The following NKX3-2 variants were observed in gnomAD, a reference collection of about 807,000 sequenced individuals.
NKX3-2 encodes the protein homeobox protein Nkx-3.2.
A neutral mutation model predicts 19.4 loss-of-function variants in NKX3-2; 13 were observed. The observed-to-expected ratio is 0.67, with a 90% CI of 0.44 to 1.07. The LOEUF is 1.07. NKX3-2 is among the 50% of genes least tolerant of loss of function. The pLI, the probability that NKX3-2 is intolerant of heterozygous loss-of-function variation, is 0.00. For synonymous variants in NKX3-2, 269 were observed against 230.5 expected (o/e 1.17, Z -1.51); for missense variants, 562 against 488.2 (o/e 1.15, Z -1.42).
chr4:13,544,377 G>C lies in NKX3-2; in HGVS notation c.38C>G (p.Ser13Cys). ...VRGANTLTSFSIQAILNKKEE... is the reference protein window; with the variant it reads ...VRGANTLTSFCIQAILNKKEE... ...TTTCTTGTTGAGGATCGCCTGGATG[G>C]AGAAGGACGTCAAGGTGTTGGCGCC... The change falls in exon 1 of 2, where the codon TCC (serine) becomes TGC (cysteine). Residue 13 changes from serine (S) to cysteine (C), a missense_variant. Transcript: ENST00000382438. 6.4e-7 allele frequency: 1 copy of C among 1,551,386 alleles called. No homozygotes were observed.
chr4:13,542,223 G>C lies in NKX3-2; in HGVS notation c.772C>G (p.Arg258Gly). The change falls in exon 2 of 2, where the codon CGC becomes GGC. Residue 258 changes from arginine to glycine, a missense_variant. By Grantham distance (125) the Arg-to-Gly change is moderately radical (BLOSUM62 -2). Coordinates refer to ENST00000382438, the MANE Select transcript of NKX3-2 (RefSeq NM_001189.4). The surrounding 1 kb of genome is among the most constrained non-coding windows in gnomAD (Gnocchi z 6.4). Reference protein sequence around the residue: ...TQVKIWFQNRRYKTKRRQMAA... With the variant: ...TQVKIWFQNRGYKTKRRQMAA... ...ATCTGCCGGCGCTTTGTCTTGTAGCGACGGTTCTGGAACCAGATTTTCACC... is the reference window on the plus strand; with the variant it reads ...ATCTGCCGGCGCTTTGTCTTGTAGCCACGGTTCTGGAACCAGATTTTCACC... The C allele has an allele frequency of 6.2e-7, 1 of 1,611,660 alleles. No individual in the cohort carries two copies. The highest frequency in any genetic ancestry group is 8.5e-7 in the Non-Finnish European group (1 of 1,179,262).
Position 13,544,065 on chromosome 4 carries a change from C to T in NKX3-2, c.350G>A (p.Gly117Asp). 1 of 1,575,024 alleles carries T rather than the reference C, an allele frequency of 6.3e-7. No individual in the cohort carries two copies. Among genetic ancestry groups the T allele is most frequent in the Non-Finnish European group, 8.6e-7 (1 of 1,163,268 alleles). Residue 117 changes from glycine (G) to aspartate (D), a missense_variant, in exon 1 of 2, where the codon GGC (glycine) becomes GAC (aspartate). Physicochemically the swap from Gly to Asp is moderately conservative, Grantham distance 94. Coordinates refer to ENST00000382438, the MANE Select transcript of NKX3-2 (RefSeq NM_001189.4). Reference sequence around the variant, plus strand: ...GAGGCTCAAGGATCCCCCCGCAAGGCCGGCCCCGCTGGCCCCCCGCGCGTC... The same window carrying T: ...GAGGCTCAAGGATCCCCCCGCAAGGTCGGCCCCGCTGGCCCCCCGCGCGTC... Reference protein sequence around the residue: ...CADARGASGAGLAGGSLSLGQ... With the variant: ...CADARGASGADLAGGSLSLGQ...
Position 13,542,219 on chromosome 4 carries a change from T to A in NKX3-2, c.776A>T (p.Tyr259Phe). 6.2e-7 allele frequency: 1 copy of A among 1,611,440 alleles called. No individual in the cohort carries two copies. ...TGCCATCTGCCGGCGCTTTGTCTTGTAGCGACGGTTCTGGAACCAGATTTT... is the reference window on the plus strand; with the variant it reads ...TGCCATCTGCCGGCGCTTTGTCTTGAAGCGACGGTTCTGGAACCAGATTTT... ...QVKIWFQNRR[Y>F]KTKRRQMAAD... is the part of the protein sequence containing the mutation. The change falls in exon 2 of 2, where the codon TAC becomes TTC. Residue 259 changes from tyrosine to phenylalanine, a missense_variant. Transcript: ENST00000382438. The surrounding 1 kb of genome is among the most constrained non-coding windows in gnomAD (Gnocchi z 6.4).
In NKX3-2 at chr4:13,541,898, T is replaced by G. The variant is rs191302851; in HGVS notation, c.*95A>C. 53 of 1,512,174 alleles carry G rather than the reference T, an allele frequency of 3.5e-5. No individual in the cohort carries two copies. The African/African-American group carries it at 6.2e-4, about 18-fold the overall frequency. 93.7% of individuals were successfully genotyped at this position (1,512,174 alleles called of 1,614,324 possible). A position where few individuals can be genotyped will look rare whatever the true frequency, so the allele number is the denominator to read the frequency against. ...TGGGTTTCACCTCCAGGTGCCTCCT[T>G]GGCGGGGCGCCCCGTGCAGGCTACA... On this transcript the variant is annotated 3_prime_UTR_variant, in exon 2 of 2. Transcript: ENST00000382438.
At position 13,542,020 on chromosome 4, in the gene NKX3-2, G is replaced by T. The variant is rs1443990983; in HGVS notation, c.975C>A (p.Thr325=). ...YYCLPGWALS[T]CAAAAGTQ ...ACTGGGTGCCTGCGGCAGCTGCGCA[G>T]GTGGAGAGCGCCCAGCCTGGGAGGC... Residue 325 remains threonine, a synonymous_variant, in exon 2 of 2, where the codon ACC becomes ACA. Coordinates refer to ENST00000382438, the MANE Select transcript of NKX3-2 (RefSeq NM_001189.4). The surrounding 1 kb of genome is among the most constrained non-coding windows in gnomAD (Gnocchi z 6.4). 8 of 1,595,454 alleles carry T rather than the reference G, an allele frequency of 5.0e-6. No homozygotes were observed. The highest frequency in any genetic ancestry group is 6.8e-6 in the Non-Finnish European group (8 of 1,171,752).
upstream of NKX3-2, chr4:13,544,798 G>A (rs1452012292): frequency 6.3e-6 from 1 of 159,086 alleles, no homozygotes; most frequent in Non-Finnish European, 1.4e-5. Context: ...GCGCCGCCGG[G>A]GCGCACAGCC....
At position 13,542,054 on chromosome 4, in the gene NKX3-2, G is replaced by C. The variant is rs945498686; in HGVS notation, c.941C>G (p.Pro314Arg). Residue 314 changes from proline (P) to arginine (R), a missense_variant, in exon 2 of 2, where the codon CCG becomes CGG. Transcript: ENST00000382438. This position sits in a 1 kb window ranked among gnomAD's most constrained non-coding sequence, Gnocchi z 6.4. ...LLPLQPSYYY[P>R]YYCLPGWALS... ...CGCCCAGCCTGGGAGGCAGTAGTAC[G>C]GGTAATAGTAGGAGGGCTGCAGTGG... 6 of 1,606,674 alleles carry C rather than the reference G, an allele frequency of 3.7e-6. No individual in the cohort carries two copies. The highest frequency in any genetic ancestry group is 5.1e-6 in the Non-Finnish European group (6 of 1,176,588).
Position 13,541,893 on chromosome 4 carries a change from C to T in NKX3-2, c.*100G>A, listed in dbSNP as rs1717993237. On this transcript the variant is annotated 3_prime_UTR_variant, in exon 2 of 2. Transcript: ENST00000382438. ...GGAGCTGGGTTTCACCTCCAGGTGC[C>T]TCCTTGGCGGGGCGCCCCGTGCAGG... 2 of 1,505,846 alleles carry T rather than the reference C, an allele frequency of 1.3e-6. No homozygotes were observed. The highest frequency in any genetic ancestry group is 1.8e-6 in the Non-Finnish European group (2 of 1,118,578). The allele number at this position is 1,505,846 out of a possible 1,614,324, so 93.3% of individuals were successfully genotyped here.
chr4:13,542,735 G>A lies in NKX3-2; in HGVS notation c.467-207C>T, dbSNP rs544895731. The stretch of plus-strand genomic sequence containing the variant: ...GTATCCCATCTAGGCCTCTTCTGGG[G>A]AGGGCGGCAGACTCAGCCGCTGTGT... On this transcript the variant is annotated intron_variant, in intron 1 of 1. Transcript: ENST00000382438. This position sits in a 1 kb window ranked among gnomAD's most constrained non-coding sequence, Gnocchi z 6.4. 9.2e-5 allele frequency among the ~76,000 whole-genome samples: 14 copies of A among 152,162 alleles called. No homozygotes were observed. The highest frequency in any genetic ancestry group is 1.5e-4 in the Non-Finnish European group (10 of 68,034).
chr4:13,546,566 T>G, upstream of NKX3-2: 1 of 283,528 alleles, frequency 3.5e-6, no homozygotes, highest in East Asian at 8.7e-5. Flanking sequence ...AGATTGACAC[T>G]GGTTGCCTGG....
upstream of NKX3-2, chr4:13,546,158 T>A (rs563505256): frequency 6.6e-6 from 1 of 152,248 alleles, no homozygotes; most frequent in Non-Finnish European, 1.5e-5. Flanking sequence ...ACATCTCCCC[T>A]TGTTGCTTTC....
At position 13,542,075 on chromosome 4, in the gene NKX3-2, A is replaced by G. The variant is rs759663268; in HGVS notation, c.920T>C (p.Leu307Pro). Residue 307 changes from leucine (L) to proline (P), a missense_variant, in exon 2 of 2, where the codon CTG (leucine) becomes CCG (proline). Leu to Pro is a moderately conservative substitution (Grantham distance 98, BLOSUM62 -3). Coordinates refer to ENST00000382438, the MANE Select transcript of NKX3-2 (RefSeq NM_001189.4). This position sits in a 1 kb window ranked among gnomAD's most constrained non-coding sequence, Gnocchi z 6.4. ...EVLRPPSLLP[L>P]QPSYYYPYYC... is the part of the protein sequence containing the mutation. ...GTACGGGTAATAGTAGGAGGGCTGCAGTGGCAGAAGCGAGGGTGGCCGCAG... is the reference window on the plus strand; with the variant it reads ...GTACGGGTAATAGTAGGAGGGCTGCGGTGGCAGAAGCGAGGGTGGCCGCAG... 1.2e-6 allele frequency: 2 copies of G among 1,607,474 alleles called. No homozygotes were observed. Among genetic ancestry groups the G allele is most frequent in the East Asian group, 4.5e-5 (2 of 44,600 alleles).
At chr4:13,546,883 A>T (rs1246905390), upstream of NKX3-2, 4 of 455,572 alleles carry the variant, frequency 8.8e-6, no homozygotes, top group Non-Finnish European at 1.8e-5. Flanking sequence ...GCATGAAAAG[A>T]TGTGGTTTGG....
At chr4:13,546,523 G>A (rs1286765253), upstream of NKX3-2, 3 of 210,106 alleles carry the variant, frequency 1.4e-5, no homozygotes, top group Non-Finnish European at 2.0e-5. Flanking sequence ...TCCTCACTTC[G>A]GGCAGGGATG....
At chr4:13,546,740 T>C (rs1718140434), upstream of NKX3-2, 1 of 366,068 alleles carries the variant, frequency 2.7e-6, no homozygotes, top group Non-Finnish European at 5.5e-6. Flanking sequence ...TGGGGCTACG[T>C]AAAGACTTGC....
rs773605014 is a variant in NKX3-2, at chr4:13,542,503, G to A, written c.492C>T (p.Asp164=). Residue 164 remains aspartate (D), a synonymous_variant, in exon 2 of 2, where the codon GAC becomes GAT. Coordinates refer to ENST00000382438, the MANE Select transcript of NKX3-2 (RefSeq NM_001189.4). This position sits in a 1 kb window ranked among gnomAD's most constrained non-coding sequence, Gnocchi z 6.4. ...GTGCACCTCTGGGGCCAACACCGTC[G>A]TCCTCGGTCCTTGGGCTGCGGTCGC... The part of the protein sequence containing the change: ...VSGDRSPRTE[D]DGVGPRGAHV... 30 of 1,596,554 alleles carry A rather than the reference G, an allele frequency of 1.9e-5. No homozygotes were observed. Among genetic ancestry groups the A allele is most frequent in the Non-Finnish European group, 2.4e-5 (28 of 1,179,620 alleles).
At position 13,542,493 on chromosome 4, in the gene NKX3-2, C is replaced by T. The variant is rs764173176; in HGVS notation, c.502G>A (p.Gly168Ser). Residue 168 changes from glycine to serine, a missense_variant, in exon 2 of 2, where the codon GGC (glycine) becomes AGC (serine). Coordinates refer to ENST00000382438, the MANE Select transcript of NKX3-2 (RefSeq NM_001189.4). This position sits in a 1 kb window ranked among gnomAD's most constrained non-coding sequence, Gnocchi z 6.4. The stretch of plus-strand genomic sequence containing the variant: ...GCGGACACGTGTGCACCTCTGGGGC[C>T]AACACCGTCGTCCTCGGTCCTTGGG... ...RSPRTEDDGV[G>S]PRGAHVSALC... 1.2e-4 allele frequency: 194 copies of T among 1,596,572 alleles called. No homozygotes were observed. Among genetic ancestry groups the T allele is most frequent in the Non-Finnish European group, 1.6e-4 (187 of 1,179,576 alleles).
upstream of NKX3-2, chr4:13,546,838 T>C (rs1718143109): frequency 2.3e-6 from 1 of 440,536 alleles, no homozygotes. Flanking sequence ...CAGTTGGACA[T>C]ACTCCTGCCA....
chr4:13,547,318 C>G (rs1041647853), upstream of NKX3-2: 1 of 446,636 alleles, frequency 2.2e-6, no homozygotes, highest in Admixed American at 2.4e-5. Flanking sequence ...TCCTGCCCAT[C>G]GAGGGCGACT....
Sources: allele counts gnomAD v4.1 joint callset (sites outside exome capture counted in the v4.1 genomes callset), GRCh38; gene constraint gnomAD v4.1.1; non-coding constraint Gnocchi (gnomAD v3.1); transcripts MANE v1.5; gene names NCBI Gene and HGNC (gene_info 2026-07-23, HGNC 2026-07-21).